NR2C2: variants seen among roughly 807,000 people sequenced by gnomAD.
NR2C2 encodes the protein nuclear receptor subfamily 2 group C member 2.
NR2C2 carries 6 observed loss-of-function variants against 62.9 expected under a neutral mutation model. The ratio of observed to expected loss-of-function variants is 0.10; its 90% CI spans 0.05 to 0.19. The LOEUF is 0.19. Among genes scored for constraint, NR2C2 ranks in the 10% least tolerant of loss-of-function variants. The pLI, the probability that NR2C2 is intolerant of heterozygous loss-of-function variation, is 1.00. For synonymous variants in NR2C2, 272 were observed against 273.8 expected, an observed-to-expected ratio of 0.99 and a Z score of 0.07; for missense variants, 479 against 762.7, an observed-to-expected ratio of 0.63 and a Z score of 4.38.
chr3:14,953,531 A>G (rs2039430719), intron 1 of NR2C2, among the ~76,000 whole-genome samples: 1 of 152,148 alleles, frequency 6.6e-6, no homozygotes, highest in African/African-American at 2.4e-5. Context: ...TTTGTTGTTC[A>G]TATGTTGATA....
intron 1 of NR2C2, among the ~76,000 whole-genome samples, chr3:14,978,124 T>C (rs1015403334): frequency 5.3e-5 from 8 of 152,130 alleles, no homozygotes; most frequent in Non-Finnish European, 8.8e-5. Context: ...TTTGTACATG[T>C]GTAAGCCTCA....
In NR2C2 at chr3:15,023,520, AG is replaced by A. The variant is rs541074008; in HGVS notation, c.704+175del. ...TCAGTCACACCTCTGGACAGGCCTG[AG>A]GATGCCTGATTTATGAAGGGGTCAG... On this transcript the variant is annotated intron_variant, in intron 6 of 13. Transcript: ENST00000425241. 4.4e-3 allele frequency among the ~76,000 whole-genome samples: 671 copies of A among 152,308 alleles called. 1 individual carries two copies. Among genetic ancestry groups the A allele is most frequent in the African/African-American group, 0.015 (641 of 41,552 alleles).
chr3:15,022,337 T>A (rs1472503755), intron 5 of NR2C2, among the ~76,000 whole-genome samples: 1 of 152,030 alleles, frequency 6.6e-6, no homozygotes, highest in African/African-American at 2.4e-5. Context: ...AATTGTGGCA[T>A]AGGAAATGCA....
chr3:15,014,907 G>C (rs2041464529), intron 3 of NR2C2, among the ~76,000 whole-genome samples: 1 of 152,176 alleles, frequency 6.6e-6, no homozygotes. Context: ...TTGAATTAAT[G>C]CTGCTTAGAA....
chr3:14,985,215 T>C (rs563626926), intron 1 of NR2C2, among the ~76,000 whole-genome samples: 1 of 152,260 alleles, frequency 6.6e-6, no homozygotes, highest in African/African-American at 2.4e-5. Flanking sequence ...TGCAAATGTT[T>C]TTCTCCCAAT....
At chr3:15,029,104 TTTTTC>T (rs1448464081) in intron 8 of NR2C2, among the ~76,000 whole-genome samples, 3 of 135,140 alleles carry the variant, frequency 2.2e-5, no homozygotes, top group African/African-American at 7.8e-5. Flanking sequence ...ATATTTTTCT[TTTTTC>T]TTTTTTTTTT....
intron 1 of NR2C2, among the ~76,000 whole-genome samples, chr3:15,001,170 C>A (rs944761234): frequency 2.6e-5 from 4 of 151,948 alleles, no homozygotes; most frequent in African/African-American, 9.7e-5. Flanking sequence ...GTATTCAAAT[C>A]TTGCATTTCT....
chr3:15,022,422 A>C (rs2041697613), intron 5 of NR2C2, among the ~76,000 whole-genome samples: 1 of 42,588 alleles, frequency 2.3e-5, no homozygotes, highest in Non-Finnish European at 5.0e-5. Context: ...TTTTTTTTTG[A>C]GGCAGAGTCT....
At chr3:14,970,142 T>G (rs2039993983) in intron 1 of NR2C2, among the ~76,000 whole-genome samples, 1 of 152,084 alleles carries the variant, frequency 6.6e-6, no homozygotes, top group Admixed American at 6.5e-5. Flanking sequence ...TTACCCTTTA[T>G]CACCAAGCCT....
At chr3:15,004,455 TG>T (rs1281479212) in intron 2 of NR2C2, 1 of 1,195,286 alleles carries the variant, frequency 8.4e-7, no homozygotes, top group Non-Finnish European at 1.1e-6. Flanking sequence ...GAATGGTACC[TG>T]GCACATAATA....
chr3:14,966,029 A>G (rs762044814), intron 1 of NR2C2, among the ~76,000 whole-genome samples: 35 of 152,184 alleles, frequency 2.3e-4, no homozygotes, highest in Non-Finnish European at 4.0e-4. Context: ...TGAGCTTAGT[A>G]ATTTTAAACT....
At chr3:15,011,576 C>T (rs6776814) in intron 2 of NR2C2, among the ~76,000 whole-genome samples, 17,011 of 152,138 alleles carry the variant, frequency 0.11, 1,218 homozygotes, top group African/African-American at 0.2. Context: ...TGGGGGACTC[C>T]GGGCATGCCA....
At chr3:14,949,118 G>A (rs1485032551) in intron 1 of NR2C2, among the ~76,000 whole-genome samples, 5 of 152,180 alleles carry the variant, frequency 3.3e-5, no homozygotes, top group African/African-American at 1.2e-4. Flanking sequence ...TAGTTTTTTA[G>A]GCACTGGGGA....
Position 15,030,375 on chromosome 3 carries a change from G to T in NR2C2, c.1033G>T (p.Val345Phe). Residue 345 changes from valine (V) to phenylalanine (F), a missense_variant, in exon 9 of 14, where the codon GTC (valine) becomes TTC (phenylalanine). By Grantham distance (50) the Val-to-Phe change is conservative. This residue lies in a region of NR2C2 where 151 missense variants were observed against 176.1 expected (regional missense o/e 0.86). Coordinates refer to ENST00000425241, the MANE Select transcript of NR2C2 (RefSeq NM_001291694.2). Reference sequence around the variant, plus strand: ...CACCAGTGGAGGAGGGAGCATCCACGTCATCAGCAGAGACCAGTCGACACC... The same window carrying T: ...CACCAGTGGAGGAGGGAGCATCCACTTCATCAGCAGAGACCAGTCGACACC... Reference protein sequence around the residue: ...IDTSGGGSIHVISRDQSTPII... With the variant: ...IDTSGGGSIHFISRDQSTPII... 6.2e-7 allele frequency: 1 copy of T among 1,613,320 alleles called. No individual in the cohort carries two copies.
At chr3:15,023,442 T>A in intron 6 of NR2C2, 95 bp downstream of exon 6, 1 of 1,384,364 alleles carries the variant, frequency 7.2e-7, no homozygotes, top group Non-Finnish European at 1.0e-6. Flanking sequence ...TTCCCACCCA[T>A]CTGCCATAGC....
intron 3 of NR2C2, 114 bp downstream of exon 3, chr3:15,013,903 C>T: frequency 2.7e-6 from 3 of 1,105,712 alleles, no homozygotes; most frequent in Non-Finnish European, 2.7e-6. Context: ...TCCTTGGGGA[C>T]CTGCAAACAT....
At chr3:15,036,978 C>G (rs2042118760) in intron 11 of NR2C2, among the ~76,000 whole-genome samples, 2 of 150,480 alleles carry the variant, frequency 1.3e-5, no homozygotes, top group South Asian at 4.2e-4. Context: ...AAAAATTAGC[C>G]TGACATGGTG....
At chr3:14,987,140 T>TC (rs2040534609) in intron 1 of NR2C2, among the ~76,000 whole-genome samples, 1 of 152,196 alleles carries the variant, frequency 6.6e-6, no homozygotes, top group Admixed American at 6.5e-5. Context: ...TGGAGTCCAG[T>TC]GGCAGGAACA....
At chr3:15,018,230 C>T (rs1195107007) in intron 4 of NR2C2, among the ~76,000 whole-genome samples, 1 of 152,170 alleles carries the variant, frequency 6.6e-6, no homozygotes, top group African/African-American at 2.4e-5. Context: ...AACTCCTAAC[C>T]TTGTGATCTG....
Sources: gnomAD v4.1 joint callset for allele counts (sites outside exome capture counted in the v4.1 genomes callset) on GRCh38, gnomAD v4.1.1 for gene constraint, gnomAD v4.1.1 regional missense constraint, MANE v1.5 for transcripts, NCBI Gene and HGNC (gene_info 2026-07-23, HGNC 2026-07-21) for gene names.